Variants in CNTNAP2 observed in about 807,000 individuals in gnomAD.
The protein encoded by CNTNAP2 is contactin-associated protein-like 2.
CNTNAP2 carries 98 observed loss-of-function variants against 155.2 expected under a neutral mutation model. That is an observed-to-expected ratio of 0.63 (90% CI 0.54 to 0.75). The LOEUF (loss-of-function observed/expected upper bound fraction) is 0.75. Ranked by LOEUF, CNTNAP2 falls within the 30% of genes least tolerant of loss-of-function variation. The probability of loss-of-function intolerance (pLI) is 0.00; values close to 1 mark genes in which losing one functional copy is unlikely to be tolerated. For synonymous variants in CNTNAP2, 651 were observed against 631.2 expected, an observed-to-expected ratio of 1.03 and a Z score of -0.47; for missense variants, 1,727 against 1,688.1, an observed-to-expected ratio of 1.02 and a Z score of -0.40.
chr7:146,511,717 G>A (rs765907051), intron 1 of CNTNAP2, among the ~76,000 whole-genome samples: 10 of 152,110 alleles, frequency 6.6e-5, no homozygotes, highest in Non-Finnish European at 1.3e-4. Flanking sequence ...TATTCATTAT[G>A]AATATTGACC....
chr7:146,371,243 C>A (rs564234207), intron 1 of CNTNAP2, among the ~76,000 whole-genome samples: 1 of 151,814 alleles, frequency 6.6e-6, no homozygotes, highest in African/African-American at 2.4e-5. Context: ...AATAATGAGG[C>A]TTTTGCTACT....
At chr7:147,107,087 G>A (rs1168935824) in intron 4 of CNTNAP2, among the ~76,000 whole-genome samples, 1 of 152,062 alleles carries the variant, frequency 6.6e-6, no homozygotes, top group Non-Finnish European at 1.5e-5. Context: ...GGCTTTCTAT[G>A]ATTTAAAAAT....
At position 147,194,035 on chromosome 7, in the gene CNTNAP2, G is replaced by A. The variant is rs144130912; in HGVS notation, c.1348+61526G>A. Among the ~76,000 whole-genome samples, 52 of 151,858 alleles carry A rather than the reference G, an allele frequency of 3.4e-4. No individual in the cohort carries two copies. In the East Asian group the frequency reaches 8.9e-3, roughly 26 times the overall value. ...TGTTACATAGTTATACATGTGCCAC[G>A]GTGGTTTGCTGTACCTATTGACCCC... On this transcript the variant is annotated intron_variant, in intron 8 of 23. Transcript: ENST00000361727.
At chr7:146,516,665 G>A (rs1463473162) in intron 1 of CNTNAP2, among the ~76,000 whole-genome samples, 1 of 151,898 alleles carries the variant, frequency 6.6e-6, no homozygotes, top group African/African-American at 2.4e-5. Flanking sequence ...AACCCCTGAA[G>A]AGAAAAAGTC....
At chr7:147,674,298 T>G (rs138559220) in intron 13 of CNTNAP2, among the ~76,000 whole-genome samples, 2,496 of 152,274 alleles carry the variant, frequency 0.016, 219 homozygotes, top group Admixed American at 0.15. Context: ...CAAATAAAAG[T>G]CTTTACAGTT....
chr7:147,037,416 T>G (rs1030876753), intron 3 of CNTNAP2, among the ~76,000 whole-genome samples: 22 of 151,726 alleles, frequency 1.4e-4, no homozygotes, highest in African/African-American at 5.3e-4. Flanking sequence ...AAGTTTGTCT[T>G]TACTAGGTAT....
chr7:147,159,911 T>C (rs1009500498), intron 8 of CNTNAP2, among the ~76,000 whole-genome samples: 6 of 151,758 alleles, frequency 4.0e-5, no homozygotes, highest in African/African-American at 1.5e-4. Flanking sequence ...CTATGAATCA[T>C]ACTTTTTTAT....
At chr7:146,135,908 C>G (rs1485650714) in intron 1 of CNTNAP2, among the ~76,000 whole-genome samples, 2 of 152,004 alleles carry the variant, frequency 1.3e-5, no homozygotes, top group Non-Finnish European at 2.9e-5. Flanking sequence ...CAAAATCAAG[C>G]TAATCTCAAT....
chr7:147,629,086 A>G (rs1303203703), intron 12 of CNTNAP2, among the ~76,000 whole-genome samples: 3 of 152,088 alleles, frequency 2.0e-5, no homozygotes, highest in Non-Finnish European at 4.4e-5. Flanking sequence ...ATAGTTCATC[A>G]AGACGAGAAG....
intron 1 of CNTNAP2, among the ~76,000 whole-genome samples, chr7:146,655,133 GTCACA>G (rs1322528828): frequency 5.3e-5 from 8 of 151,930 alleles, no homozygotes; most frequent in African/African-American, 1.9e-4. Flanking sequence ...CTCTGAATAT[GTCACA>G]TTTTTTAAAG....
rs1019726312 is a variant in CNTNAP2, at chr7:147,994,385, G to A, written c.2383+16396G>A. Among the ~76,000 whole-genome samples the A allele has an allele frequency of 7.0e-4, 97 of 138,226 alleles. 5 individuals are homozygous for A. The highest frequency in any genetic ancestry group is 6.2e-5 in the Non-Finnish European group (4 of 64,844). 90.7% of individuals were successfully genotyped at this position (138,226 alleles called of 152,430 possible). Reference sequence around the variant, plus strand: ...GACCTGTCTCAAAAAAAAAAAAAAAGGAACTTGGCATTTGCAATCCTGAAC... The same window carrying A: ...GACCTGTCTCAAAAAAAAAAAAAAAAGAACTTGGCATTTGCAATCCTGAAC... On this transcript the variant is annotated intron_variant, in intron 15 of 23. Transcript: ENST00000361727.
At chr7:146,517,744 G>A (rs1420037456) in intron 1 of CNTNAP2, among the ~76,000 whole-genome samples, 1 of 151,886 alleles carries the variant, frequency 6.6e-6, no homozygotes, top group Non-Finnish European at 1.5e-5. Context: ...AGGAACTCTG[G>A]AATTAGTTCA....
chr7:148,029,578 T>C (rs1291612311), intron 15 of CNTNAP2, among the ~76,000 whole-genome samples: 2 of 152,198 alleles, frequency 1.3e-5, no homozygotes, highest in African/African-American at 2.4e-5. Flanking sequence ...TGAAAACACG[T>C]TGGGTAAATG....
chr7:146,433,859 C>T (rs905926421), intron 1 of CNTNAP2, among the ~76,000 whole-genome samples: 1 of 152,102 alleles, frequency 6.6e-6, no homozygotes, highest in Non-Finnish European at 1.5e-5. Context: ...TTAGAAGAAG[C>T]CCAGTCTTAC....
intron 1 of CNTNAP2, among the ~76,000 whole-genome samples, chr7:146,523,494 A>G (rs1421450408): frequency 2.6e-5 from 4 of 152,022 alleles, no homozygotes; most frequent in Admixed American, 1.3e-4. Flanking sequence ...CCAACCCTCA[A>G]TCATATCATG....
intron 14 of CNTNAP2, among the ~76,000 whole-genome samples, chr7:147,947,708 G>C (rs1177573433): frequency 1.3e-5 from 2 of 152,082 alleles, no homozygotes; most frequent in Admixed American, 6.6e-5. Context: ...AGTGGGGCTT[G>C]GGAGGGAACA....
At chr7:148,334,983 G>C (rs968164684) in intron 21 of CNTNAP2, among the ~76,000 whole-genome samples, 3 of 152,214 alleles carry the variant, frequency 2.0e-5, no homozygotes, top group African/African-American at 7.2e-5. Context: ...CTCAAAGACG[G>C]GGAAGATGAG....
chr7:146,326,619 G>T (rs141682865), intron 1 of CNTNAP2, among the ~76,000 whole-genome samples: 98 of 152,220 alleles, frequency 6.4e-4, no homozygotes, highest in Non-Finnish European at 1.1e-3. Flanking sequence ...CACCACAGCC[G>T]CAGGAAGCTA....
At chr7:147,070,342 G>T (rs1387623987) in intron 4 of CNTNAP2, among the ~76,000 whole-genome samples, 1 of 152,210 alleles carries the variant, frequency 6.6e-6, no homozygotes, top group Admixed American at 6.5e-5. Context: ...AAAGCACATT[G>T]CCTGTCGGGG....
Sources: allele counts gnomAD v4.1 joint callset (sites outside exome capture counted in the v4.1 genomes callset), GRCh38; gene constraint gnomAD v4.1.1; transcripts MANE v1.5; gene names NCBI Gene and HGNC (gene_info 2026-07-23, HGNC 2026-07-21).